TMLHE: variants seen among roughly 807,000 people sequenced by gnomAD.
TMLHE encodes trimethyllysine dioxygenase, mitochondrial.
In TMLHE, 18 loss-of-function variants were observed where a neutral mutation model predicts 25.7. The ratio of observed to expected loss-of-function variants is 0.70; its 90% confidence interval spans 0.48 to 1.04. The LOEUF is 1.04. Among genes scored for constraint, TMLHE ranks in the 50% least tolerant of loss-of-function variants. The pLI is 0.00. For synonymous variants in TMLHE, 105 were observed against 97.0 expected (o/e 1.08, Z -0.49); for missense variants, 236 against 259.0 (o/e 0.91, Z 0.61).
chrX:155,535,404 A>G (rs1484574276), intron 2 of TMLHE, among the ~76,000 whole-genome samples: 4 of 111,903 alleles, frequency 3.6e-5, no homozygotes, highest in Non-Finnish European at 7.5e-5. Flanking sequence ...GCAGATGGCT[A>G]CCTTGTTGCT....
At chrX:155,583,480 T>TAGG (rs2067645310) in intron 1 of TMLHE, among the ~76,000 whole-genome samples, 1 of 97,817 alleles carries the variant, frequency 1.0e-5, no homozygotes, top group Non-Finnish European at 2.1e-5. Context: ...CCACAACATG[T>TAGG]AGGAATTCAA....
At chrX:155,536,547 TCC>T (rs781812812) in intron 2 of TMLHE, among the ~76,000 whole-genome samples, 2 of 111,752 alleles carry the variant, frequency 1.8e-5, no homozygotes, top group Non-Finnish European at 1.9e-5. Flanking sequence ...ATGCTTACTG[TCC>T]TTTTGCTGAC....
intron 1 of TMLHE, among the ~76,000 whole-genome samples, chrX:155,593,128 C>A (rs1432888853): frequency 8.9e-6 from 1 of 111,775 alleles, no homozygotes; most frequent in Non-Finnish European, 1.9e-5. Context: ...AGCAACTCTG[C>A]CTAATCTTGG....
intron 2 of TMLHE, among the ~76,000 whole-genome samples, chrX:155,531,013 T>C (rs1557337025): frequency 8.9e-6 from 1 of 112,215 alleles, no homozygotes; most frequent in Non-Finnish European, 1.9e-5. Context: ...CCAGGCTATA[T>C]AGGGAGTGAG....
intron 1 of TMLHE, among the ~76,000 whole-genome samples, chrX:155,564,357 A>G (rs2067505774): frequency 1.6e-5 from 1 of 62,141 alleles, no homozygotes; most frequent in African/African-American, 3.6e-5. Context: ...GGAAGTGGGA[A>G]GAGTGTCTAG....
rs781965807 is a variant in TMLHE at position 155,511,736 on chromosome X, G to C, written c.695C>G (p.Thr232Ser). The C allele has an allele frequency of 1.0e-5, 12 of 1,199,305 alleles. No individual in the cohort carries two copies. In the Admixed American group the frequency reaches 2.4e-4, roughly 24 times the overall value. Reference protein sequence around the residue: ...YFTSDFSRGDTAYTKLALDRH... With the variant: ...YFTSDFSRGDSAYTKLALDRH... ...ATCCAGAGCTAGCTTGGTGTACGCA[G>C]TGTCACCTCTGGAGAAGTCTGAAGT... Residue 232 changes from threonine to serine, a missense_variant, in exon 5 of 8, where the codon ACT becomes AGT. Coordinates refer to ENST00000334398, the MANE Select transcript of TMLHE (RefSeq NM_018196.4).
At chrX:155,560,682 A>G (rs1252821994) in intron 1 of TMLHE, among the ~76,000 whole-genome samples, 1 of 56,359 alleles carries the variant, frequency 1.8e-5, no homozygotes, top group African/African-American at 3.8e-5. Flanking sequence ...AAAAGAAAAA[A>G]AAAAGAAAGA....
chrX:155,548,717 AG>A (rs1557339473), intron 1 of TMLHE, among the ~76,000 whole-genome samples: 19 of 105,918 alleles, frequency 1.8e-4, no homozygotes, highest in African/African-American at 6.9e-4. Context: ...CCTGGGCGAC[AG>A]AGTGAGACTC....
At chrX:155,566,733 C>T (rs1557342197) in intron 1 of TMLHE, among the ~76,000 whole-genome samples, 1 of 61,738 alleles carries the variant, frequency 1.6e-5, no homozygotes, top group African/African-American at 3.6e-5. Flanking sequence ...CACTAACCTA[C>T]TCAGGAGATG....
At chrX:155,580,874 A>G (rs1231865325) in intron 1 of TMLHE, among the ~76,000 whole-genome samples, 2 of 112,094 alleles carry the variant, frequency 1.8e-5, no homozygotes, top group Non-Finnish European at 3.8e-5. Context: ...CAACAAAAAA[A>G]GAGAATTCTA....
chrX:155,548,693 C>T (rs918648389), intron 1 of TMLHE, among the ~76,000 whole-genome samples: 2 of 107,759 alleles, frequency 1.9e-5, no homozygotes, highest in African/African-American at 6.9e-5. Context: ...TGAGATTGTG[C>T]CACTGCACTC....
intron 2 of TMLHE, among the ~76,000 whole-genome samples, chrX:155,527,899 T>C (rs371204011): frequency 1.8e-5 from 2 of 111,588 alleles, no homozygotes; most frequent in South Asian, 3.7e-4. Flanking sequence ...GGAAAAATAT[T>C]TGTAGCATAA....
intron 3 of TMLHE, among the ~76,000 whole-genome samples, chrX:155,514,981 A>T (rs1232004410): frequency 9.0e-6 from 1 of 111,725 alleles, no homozygotes; most frequent in African/African-American, 3.2e-5. Context: ...GGAGTGAAAG[A>T]CTATGTTGAC....
At chrX:155,548,739 A>C (rs1032127180) in intron 1 of TMLHE, among the ~76,000 whole-genome samples, 8 of 110,047 alleles carry the variant, frequency 7.3e-5, no homozygotes, top group East Asian at 2.8e-4. Context: ...TGTCTCAAAA[A>C]AAAAAAAGAC....
At chrX:155,585,727 T>G (rs2067659986) in intron 1 of TMLHE, among the ~76,000 whole-genome samples, 1 of 111,395 alleles carries the variant, frequency 9.0e-6, no homozygotes, top group African/African-American at 3.3e-5. Flanking sequence ...ACCTAACAGA[T>G]ATTAAAGAAA....
intron 1 of TMLHE, among the ~76,000 whole-genome samples, chrX:155,555,864 C>A (rs1417118180): frequency 9.1e-6 from 1 of 109,921 alleles, no homozygotes; most frequent in African/African-American, 3.3e-5. Flanking sequence ...TGCAGAAGCT[C>A]TTTAGTTTAA....
intron 2 of TMLHE, among the ~76,000 whole-genome samples, chrX:155,524,966 A>G (rs1192614216): frequency 5.3e-5 from 6 of 112,191 alleles, no homozygotes; most frequent in Admixed American, 9.4e-5. Flanking sequence ...AACTGATAGA[A>G]CTTGGGAAAA....
At chrX:155,559,909 C>A in intron 1 of TMLHE, among the ~76,000 whole-genome samples, 1 of 112,492 alleles carries the variant, frequency 8.9e-6, no homozygotes, top group African/African-American at 3.2e-5. Flanking sequence ...CATTCTCCTG[C>A]CTAAGACTTA....
chrX:155,575,586 C>T (rs1557343701), intron 1 of TMLHE, among the ~76,000 whole-genome samples: 2 of 111,690 alleles, frequency 1.8e-5, no homozygotes, highest in East Asian at 5.6e-4. Context: ...AGAAAATAAG[C>T]AAGTTTCAAA....
Sources: allele counts gnomAD v4.1 joint callset (sites outside exome capture counted in the v4.1 genomes callset), GRCh38; gene constraint gnomAD v4.1.1; transcripts MANE v1.5; gene names NCBI Gene and HGNC (gene_info 2026-07-23, HGNC 2026-07-21).